The following ASXL3 variants were observed in gnomAD, a reference collection of about 807,000 sequenced individuals.
The protein encoded by ASXL3 is putative Polycomb group protein ASXL3.
ASXL3 carries 34 observed loss-of-function variants against 170.6 expected under a neutral mutation model. That is an observed-to-expected ratio of 0.20 (90% CI 0.15 to 0.27). The LOEUF is 0.27. ASXL3 is among the 10% of genes least tolerant of loss of function. ASXL3 has a pLI of 1.00. For synonymous variants in ASXL3, 1,002 were observed against 989.1 expected (o/e 1.01, Z -0.24); for missense variants, 2,592 against 2,695.3 (o/e 0.96, Z 0.85).
At chr18:33,605,783 A>G (rs1044268506) in intron 1 of ASXL3, 1 of 152,056 alleles carries the variant, frequency 6.6e-6, no homozygotes, top group African/African-American at 2.4e-5. Flanking sequence ...AGTTCAGCTC[A>G]ATTTTCCTCC....
chr18:33,720,595 G>A (rs1941686), intron 8 of ASXL3, among the ~76,000 whole-genome samples: 96,746 of 151,840 alleles, frequency 0.64, 32,182 homozygotes, highest in East Asian at 0.87. Context: ...TGAAAACATC[G>A]CTTCTCATCG....
chr18:33,672,543 A>G (rs1190259304), intron 7 of ASXL3, among the ~76,000 whole-genome samples: 2 of 152,206 alleles, frequency 1.3e-5, no homozygotes, highest in South Asian at 2.1e-4. Flanking sequence ...AGAATTCTCA[A>G]CTGCCACTGG....
chr18:33,745,631 G>A lies in ASXL3; in HGVS notation c.5783G>A (p.Arg1928Lys), dbSNP rs1389831006. 6.2e-7 allele frequency: 1 copy of A among 1,613,824 alleles called. No individual in the cohort carries two copies. The highest frequency in any genetic ancestry group is 1.3e-5 in the African/African-American group (1 of 74,914). ...CACACTGACGCTGGTACCTCACACA[G>A]ACAGCAGTTTTACCAAATGCCTGTG... ...GFHTDAGTSH[R>K]QQFYQMPVAA... Residue 1928 changes from arginine (R) to lysine (K), a missense_variant, in exon 12 of 12, where the codon AGA becomes AAA. Transcript: ENST00000269197.
chr18:33,740,412 C>A lies in ASXL3; in HGVS notation c.3008C>A (p.Pro1003His). 6.3e-7 allele frequency: 1 copy of A among 1,591,552 alleles called. No individual in the cohort carries two copies. Among genetic ancestry groups the A allele is most frequent in the Non-Finnish European group, 8.5e-7 (1 of 1,172,368 alleles). The change falls in exon 11 of 12, where the codon CCC becomes CAC. Residue 1003 changes from proline to histidine, a missense_variant. By Grantham distance (77) the Pro-to-His change is moderately conservative (BLOSUM62 -2). Coordinates refer to ENST00000269197, the MANE Select transcript of ASXL3 (RefSeq NM_030632.3). The part of the protein sequence containing the change: ...SSSPPEKEQP[P>H]REEPRVPPLK... Reference sequence around the variant, plus strand: ...AGCCCACCTGAGAAAGAACAGCCTCCCAGAGAGGAACCAAGGGTTCCCCCT... The same window carrying A: ...AGCCCACCTGAGAAAGAACAGCCTCACAGAGAGGAACCAAGGGTTCCCCCT...
rs928129474 is a variant in ASXL3, at chr18:33,751,074, A to G, written c.*4479A>G. ...TACAAAAGTGACTGCTCACAATACC[A>G]TAAGTTAAATGAAATGAAATGTTTG... On this transcript the variant is annotated 3_prime_UTR_variant, in exon 12 of 12. Transcript: ENST00000269197. 4.6e-5 allele frequency: 7 copies of G among 152,208 alleles called. No homozygotes were observed. In the East Asian group the frequency reaches 5.8e-4, roughly 13 times the overall value. The allele number at this position is 152,208 out of a possible 1,614,324, so 9.4% of individuals were successfully genotyped here.
At position 33,685,985 on chromosome 18, in the gene ASXL3, G is replaced by A. The variant is rs538887013; in HGVS notation, c.879+2417G>A. 4.0e-3 allele frequency among the ~76,000 whole-genome samples: 615 copies of A among 152,304 alleles called. 5 individuals are homozygous for A. The highest frequency in any genetic ancestry group is 0.014 in the African/African-American group (579 of 41,568). On this transcript the variant is annotated intron_variant, in intron 8 of 11. Coordinates refer to ENST00000269197, the MANE Select transcript of ASXL3 (RefSeq NM_030632.3). ...AAAACCCCCAAAACATATCAACAAT[G>A]TACTCAATAAATACTTTTGTAATGA... is the stretch of plus-strand genomic sequence containing the variant.
At chr18:33,624,337 A>AT (rs1388364516) in intron 2 of ASXL3, among the ~76,000 whole-genome samples, 1 of 151,990 alleles carries the variant, frequency 6.6e-6, no homozygotes, top group Non-Finnish European at 1.5e-5. Context: ...TTATGTAGCA[A>AT]ATTATACCTA....
In ASXL3 at chr18:33,746,914, T is replaced by A. The variant is rs561640881; in HGVS notation, c.*319T>A. On this transcript the variant is annotated 3_prime_UTR_variant, in exon 12 of 12. Coordinates refer to ENST00000269197, the MANE Select transcript of ASXL3 (RefSeq NM_030632.3). ...CCGAGGTGTAGATAGGAAAAGGACATTTTTAATTACTTAATAACCGGAAAT... is the reference window on the plus strand; with the variant it reads ...CCGAGGTGTAGATAGGAAAAGGACAATTTTAATTACTTAATAACCGGAAAT... The A allele has an allele frequency of 4.2e-6, 1 of 237,620 alleles. No homozygotes were observed. Among genetic ancestry groups the A allele is most frequent in the East Asian group, 8.3e-5 (1 of 12,108 alleles). The allele number at this position is 237,620 out of a possible 1,614,324, so 14.7% of individuals were successfully genotyped here.
At chr18:33,685,296 C>T (rs892826176) in intron 8 of ASXL3, among the ~76,000 whole-genome samples, 42 of 152,208 alleles carry the variant, frequency 2.8e-4, no homozygotes, top group Non-Finnish European at 8.8e-5. Flanking sequence ...CAGCCGTCAT[C>T]ATCCTTATCC....
chr18:33,658,267 G>T (rs764082677), intron 4 of ASXL3, among the ~76,000 whole-genome samples: 4 of 152,106 alleles, frequency 2.6e-5, no homozygotes, highest in Non-Finnish European at 5.9e-5. Context: ...TGTTTAAAAT[G>T]AGTCCTTCAT....
chr18:33,649,363 T>C (rs1232329741), intron 4 of ASXL3, among the ~76,000 whole-genome samples: 1 of 152,126 alleles, frequency 6.6e-6, no homozygotes, highest in African/African-American at 2.4e-5. Flanking sequence ...AAGGGGCTCG[T>C]AGAAGTTTGC....
Position 33,743,779 on chromosome 18 carries a change from G to A in ASXL3, c.3931G>A (p.Gly1311Ser). The change falls in exon 12 of 12, where the codon GGC becomes AGC. Residue 1311 changes from glycine to serine, a missense_variant. Gly to Ser is a moderately conservative substitution (Grantham distance 56). Coordinates refer to ENST00000269197, the MANE Select transcript of ASXL3 (RefSeq NM_030632.3). ...CACTCCCATTTCAGCCACTACAGAG[G>A]GCTCCAGCATATCAAGCTCCATGGA... ...ESTPISATTE[G>S]SSISSSMDDK... 1 of 1,613,906 alleles carries A rather than the reference G, an allele frequency of 6.2e-7. No homozygotes were observed. Among genetic ancestry groups the A allele is most frequent in the Non-Finnish European group, 8.5e-7 (1 of 1,179,890 alleles).
intron 8 of ASXL3, among the ~76,000 whole-genome samples, chr18:33,727,876 T>C (rs1247515005): frequency 6.6e-6 from 1 of 152,192 alleles, no homozygotes; most frequent in African/African-American, 2.4e-5. Context: ...TACTGTCTGT[T>C]ACAGCCTGGG....
intron 5 of ASXL3, among the ~76,000 whole-genome samples, chr18:33,665,941 G>A (rs2066249012): frequency 6.6e-6 from 1 of 152,056 alleles, no homozygotes. Flanking sequence ...TTTGAAAAGT[G>A]CATTTATTTC....
intron 8 of ASXL3, among the ~76,000 whole-genome samples, chr18:33,700,328 A>G (rs1316977451): frequency 6.6e-6 from 1 of 152,058 alleles, no homozygotes; most frequent in Non-Finnish European, 1.5e-5. Flanking sequence ...ATTTTTTCAT[A>G]GAAAGGGGAC....
At chr18:33,712,576 T>C in intron 8 of ASXL3, among the ~76,000 whole-genome samples, 1 of 152,198 alleles carries the variant, frequency 6.6e-6, no homozygotes, top group Non-Finnish European at 1.5e-5. Context: ...GCTCCTCTGA[T>C]GATTTTGAAG....
chr18:33,746,098 C>G lies in ASXL3; in HGVS notation c.6250C>G (p.Leu2084Val). The G allele has an allele frequency of 1.2e-6, 2 of 1,613,650 alleles. No homozygotes were observed. Among genetic ancestry groups the G allele is most frequent in the Non-Finnish European group, 1.7e-6 (2 of 1,179,862 alleles). The change falls in exon 12 of 12, where the codon CTT becomes GTT. Residue 2084 changes from leucine (L) to valine (V), a missense_variant. Coordinates refer to ENST00000269197, the MANE Select transcript of ASXL3 (RefSeq NM_030632.3). ...GICSNIKSEP[L>V]SFEEGLSSSC... ...ATGTAGCAATATAAAATCGGAACCT[C>G]TTTCTTTTGAGGAAGGTTTAAGCAG...
At chr18:33,723,900 C>G (rs1283762951) in intron 8 of ASXL3, among the ~76,000 whole-genome samples, 1 of 152,112 alleles carries the variant, frequency 6.6e-6, no homozygotes, top group African/African-American at 2.4e-5. Flanking sequence ...CCATGCAAGA[C>G]CCTCCGTCAG....
intron 10 of ASXL3, among the ~76,000 whole-genome samples, chr18:33,735,060 T>G (rs1266947591): frequency 6.6e-6 from 1 of 152,146 alleles, no homozygotes; most frequent in Non-Finnish European, 1.5e-5. Context: ...GACAATCAGA[T>G]CCCTAAAAAA....
Sources: allele counts gnomAD v4.1 joint callset (sites outside exome capture counted in the v4.1 genomes callset), GRCh38; gene constraint gnomAD v4.1.1; transcripts MANE v1.5; gene names NCBI Gene and HGNC (gene_info 2026-07-23, HGNC 2026-07-21).